Variants in BCCIP observed in about 807,000 individuals in gnomAD.
BCCIP encodes the protein BRCA2 and CDKN1A-interacting protein.
BCCIP carries 23 observed loss-of-function variants against 32.8 expected under a neutral mutation model. That is an observed-to-expected ratio of 0.70 (90% CI 0.51 to 0.99). BCCIP has a LOEUF of 0.99. BCCIP is among the 50% of genes least tolerant of loss of function. BCCIP has a pLI of 0.00. For synonymous variants in BCCIP, 144 were observed against 137.6 expected (o/e 1.05, Z -0.33); for missense variants, 378 against 379.8 (o/e 1.00, Z 0.04).
downstream of BCCIP, chr10:125,840,941 A>G (rs539124609): frequency 1.1e-4 from 185 of 1,612,508 alleles, 3 homozygotes; most frequent in South Asian, 1.9e-3. Context: ...ATGTCTTCCA[A>G]CAAGTCAAGG....
chr10:125,826,382 G>T (rs1019926424), intron 1 of BCCIP: 53 of 670,936 alleles, frequency 7.9e-5, no homozygotes, highest in Non-Finnish European at 3.2e-5. Flanking sequence ...TGTGGCTGCC[G>T]TGTCTGGTTT....
rs923294385 is a variant in BCCIP at position 125,841,844 on chromosome 10, A to G, written c.*485A>G. The stretch of plus-strand genomic sequence containing the variant: ...TTGTGGATCAAGAGGAAACTCTGAC[A>G]TGATGATTCCAAATTCAGAAAGATT... On this transcript the variant is annotated 3_prime_UTR_variant, in exon 7 of 7. Transcript: ENST00000299130. 4 of 1,613,724 alleles carry G rather than the reference A, an allele frequency of 2.5e-6. No individual in the cohort carries two copies. Among genetic ancestry groups the G allele is most frequent in the African/African-American group, 2.7e-5 (2 of 74,946 alleles).
At chr10:125,841,101 C>T (rs1379029586), downstream of BCCIP, 79 of 1,406,472 alleles carry the variant, frequency 5.6e-5, no homozygotes, top group Non-Finnish European at 7.3e-5. Flanking sequence ...TGGCTCCTGT[C>T]TTGGTACTCT....
At position 125,836,075 on chromosome 10, in the gene BCCIP, T is replaced by C. The variant is rs199611826; in HGVS notation, c.775-29T>C. Reference sequence around the variant, plus strand: ...GTTTTGTCTTTGGGTTGTCCCGATTTTTAATTCATGGTTACTTATTTGGTT... The same window carrying C: ...GTTTTGTCTTTGGGTTGTCCCGATTCTTAATTCATGGTTACTTATTTGGTT... On this transcript the variant is annotated intron_variant, in intron 6 of 6. Coordinates refer to ENST00000278100, the MANE Select transcript of BCCIP (RefSeq NM_078468.3). 4.2e-4 allele frequency: 672 copies of C among 1,584,874 alleles called. 1 individual carries two copies. The highest frequency in any genetic ancestry group is 1.8e-3 in the Middle Eastern group (11 of 5,992).
intron 4 of BCCIP, among the ~76,000 whole-genome samples, chr10:125,831,019 C>T (rs372542617): frequency 2.6e-5 from 4 of 152,254 alleles, no homozygotes; most frequent in African/African-American, 9.6e-5. Context: ...TATTTTGTTT[C>T]GATTCATCTC....
chr10:125,835,127 T>C (rs1159396228), intron 6 of BCCIP, among the ~76,000 whole-genome samples: 8 of 151,290 alleles, frequency 5.3e-5, no homozygotes, highest in Non-Finnish European at 7.4e-5. Flanking sequence ...AGCGAGACTC[T>C]GTCTCAGAAA....
exon 7 of BCCIP, chr10:125,841,791 C>G (rs1554894870): frequency 1.9e-6 from 3 of 1,613,302 alleles, no homozygotes; most frequent in Non-Finnish European, 2.5e-6. Context: ...CAGTCAAATT[C>G]ACAGGACGCT....
chr10:125,840,286 A>G (rs928422619), downstream of BCCIP, among the ~76,000 whole-genome samples: 2 of 152,126 alleles, frequency 1.3e-5, no homozygotes, highest in African/African-American at 4.8e-5. Flanking sequence ...TCAGGCATAC[A>G]AAGGACTTTG....
chr10:125,838,084 A>T, downstream of BCCIP: 1 of 901,068 alleles, frequency 1.1e-6, no homozygotes, highest in Non-Finnish European at 1.6e-6. Context: ...GGTACTGTCA[A>T]CGTAAATTAA....
In BCCIP at chr10:125,836,460, G is replaced by A. The variant is rs900299989; in HGVS notation, c.*186G>A. On this transcript the variant is annotated 3_prime_UTR_variant, in exon 7 of 7. Coordinates refer to ENST00000278100, the MANE Select transcript of BCCIP (RefSeq NM_078468.3). ...TTAAAATTTTGGTCAAATTATGAGT[G>A]GTTGATTTAAAAACTTTTCCAAGAA... The A allele has an allele frequency of 7.1e-7, 1 of 1,402,178 alleles. No individual in the cohort carries two copies. Among genetic ancestry groups the A allele is most frequent in the Non-Finnish European group, 9.2e-7 (1 of 1,081,194 alleles). 86.9% of individuals were successfully genotyped at this position (1,402,178 alleles called of 1,614,324 possible).
At chr10:125,823,786 T>C in intron 1 of BCCIP, 64 bp downstream of exon 1, 1 of 1,586,572 alleles carries the variant, frequency 6.3e-7, no homozygotes, top group Non-Finnish European at 8.6e-7. Context: ...AAGCCCAGGC[T>C]GTGTAAAAAT....
intron 6 of BCCIP, among the ~76,000 whole-genome samples, chr10:125,834,956 C>G (rs575563905): frequency 2.6e-5 from 4 of 151,040 alleles, no homozygotes; most frequent in Admixed American, 6.6e-5. Context: ...CATGGTGAAA[C>G]CCCGTCTCTA....
chr10:125,834,088 C>T, intron 6 of BCCIP, 142 bp downstream of exon 6: 1 of 877,348 alleles, frequency 1.1e-6, no homozygotes, highest in Non-Finnish European at 1.7e-6. Flanking sequence ...CAGGACCTAG[C>T]AGCTAACATA....
chr10:125,833,106 A>G (rs1217500302), intron 5 of BCCIP, among the ~76,000 whole-genome samples: 1 of 151,736 alleles, frequency 6.6e-6, no homozygotes, highest in Non-Finnish European at 1.5e-5. Context: ...CCTGGGCAAC[A>G]GAGTGAGATT....
At chr10:125,834,352 G>A (rs1437118206) in intron 6 of BCCIP, among the ~76,000 whole-genome samples, 5 of 152,172 alleles carry the variant, frequency 3.3e-5, no homozygotes, top group Admixed American at 1.3e-4. Flanking sequence ...CAGCTGGTCA[G>A]TGTGGAAGCT....
At chr10:125,830,047 G>T (rs566934435) in intron 3 of BCCIP, among the ~76,000 whole-genome samples, 2 of 152,292 alleles carry the variant, frequency 1.3e-5, no homozygotes, top group East Asian at 3.9e-4. Flanking sequence ...TAATGTGATA[G>T]GTGTAAGTGG....
chr10:125,833,208 A>G (rs1435243954), intron 5 of BCCIP, among the ~76,000 whole-genome samples: 4 of 152,262 alleles, frequency 2.6e-5, no homozygotes, highest in South Asian at 2.1e-4. Flanking sequence ...GGGCATCCAG[A>G]TGCACAAGGC....
At chr10:125,846,247 C>A (rs1944017639), downstream of BCCIP, among the ~76,000 whole-genome samples, 1 of 152,184 alleles carries the variant, frequency 6.6e-6, no homozygotes. Context: ...TGAAGACTCT[C>A]CCCACCCTCA....
At chr10:125,823,756 C>T (rs1303399642) in intron 1 of BCCIP, 34 bp downstream of exon 1, 1 of 1,608,350 alleles carries the variant, frequency 6.2e-7, no homozygotes, top group Non-Finnish European at 8.5e-7. Flanking sequence ...TTGGTTTATA[C>T]CTGAGAAAAA....
Sources: gnomAD v4.1 joint callset for allele counts (sites outside exome capture counted in the v4.1 genomes callset) on GRCh38, gnomAD v4.1.1 for gene constraint, MANE v1.5 for transcripts, NCBI Gene and HGNC (gene_info 2026-07-23, HGNC 2026-07-21) for gene names.